The following PSG6 variants were observed in gnomAD, a reference collection of about 807,000 sequenced individuals.
PSG6 encodes the protein pregnancy specific beta-1-glycoprotein 6.
PSG6 carries 51 observed loss-of-function variants against 43.3 expected under a neutral mutation model. The observed-to-expected ratio is 1.18, with a 90% CI of 0.94 to 1.49. The LOEUF (loss-of-function observed/expected upper bound fraction) is 1.49. Ranked by LOEUF, PSG6 falls within the 40% of genes most tolerant of loss-of-function variation. PSG6 has a pLI of 0.00. For missense variants in PSG6, 770 were observed against 522.2 expected (o/e 1.47, Z -4.62); for synonymous variants, 292 against 197.6 (o/e 1.48, Z -4.01).
In PSG6 at chr19:42,907,693, C is replaced by G; in HGVS notation, c.868G>C (p.Glu290Gln). The part of the protein sequence containing the change: ...PVSPRVKRPI[E>Q]NRILILPSVT... ...CTGGGTAGAATGAGTATCCTGTTTT[C>G]AATGGGTCGCTTTACCCTCGGACTG... The change falls in exon 4 of 6, where the codon GAA (glutamate) becomes CAA (glutamine). Residue 290 changes from glutamate (E) to glutamine (Q), a missense_variant. By Grantham distance (29) the Glu-to-Gln change is conservative. Coordinates refer to ENST00000187910, the MANE Select transcript of PSG6 (RefSeq NM_001031850.4). The G allele has an allele frequency of 6.2e-7, 1 of 1,610,884 alleles. No homozygotes were observed. Among genetic ancestry groups the G allele is most frequent in the South Asian group, 1.1e-5 (1 of 90,752 alleles).
At position 42,913,713 on chromosome 19, in the gene PSG6, A is replaced by G. The variant is rs7248234; in HGVS notation, c.427+2412T>C. On this transcript the variant is annotated intron_variant, in intron 2 of 5. Coordinates refer to ENST00000187910, the MANE Select transcript of PSG6 (RefSeq NM_001031850.4). ...GTAGAACGTGAGATTGGTCTTTTGAAATGTTTCTCATTCTTTTGCCTTCTG... is the reference window on the plus strand; with the variant it reads ...GTAGAACGTGAGATTGGTCTTTTGAGATGTTTCTCATTCTTTTGCCTTCTG... Among the ~76,000 whole-genome samples the G allele has an allele frequency of 8.5e-3, 1,292 of 151,772 alleles. 35 individuals are homozygous for G. Among genetic ancestry groups the G allele is most frequent in the Non-Finnish European group, 0.011 (752 of 67,912 alleles).
chr19:42,903,575 A>C, intron 5 of PSG6: 1 of 1,417,384 alleles, frequency 7.1e-7, no homozygotes, highest in East Asian at 2.7e-5. Context: ...AAAAGAGAAA[A>C]GATAAAATTA....
chr19:42,907,533 T>C, intron 4 of PSG6, 43 bp downstream of exon 4: 1 of 1,607,558 alleles, frequency 6.2e-7, no homozygotes, highest in South Asian at 1.1e-5. Flanking sequence ...TCGTTTGGAG[T>C]TAAGCTGGTG....
chr19:42,907,100 A>G lies in PSG6; in HGVS notation c.1062T>C (p.Phe354=), dbSNP rs773762968. 1.3e-5 allele frequency: 21 copies of G among 1,612,766 alleles called. No homozygotes were observed. The highest frequency in any genetic ancestry group is 1.7e-5 in the Non-Finnish European group (20 of 1,179,280). Residue 354 remains phenylalanine (F), a synonymous_variant, in exon 5 of 6, where the codon TTT becomes TTC. Transcript: ENST00000187910. The stretch of plus-strand genomic sequence containing the variant: ...ACTCTGCCGGTGGGTTAGAGTCCGC[A>G]AAGCAGGACAAGTCGAGGTTTTCTC... ...RSGENLDLSC[F]ADSNPPAEYS...
rs1298083102 is a variant in PSG6, at chr19:42,903,641, G to A, written c.1241-1195C>T. ...CATGGTGGGTCATGTTTTAATCCTA[G>A]CACTTTGGGAGGTCACAGCAGAAGG... On this transcript the variant is annotated intron_variant, in intron 5 of 5. Transcript: ENST00000187910. 3.3e-6 allele frequency: 5 copies of A among 1,514,970 alleles called. No homozygotes were observed. In the East Asian group the frequency reaches 7.7e-5, roughly 23 times the overall value. The allele number at this position is 1,514,970 out of a possible 1,614,324, so 93.8% of individuals were successfully genotyped here.
rs1466845281 is a variant in PSG6, at chr19:42,907,051, AC to A, written c.1110del (p.Lys370AsnfsTer39). The A allele has an allele frequency of 3.1e-6, 5 of 1,612,526 alleles. No individual in the cohort carries two copies. The highest frequency in any genetic ancestry group is 4.2e-6 in the Non-Finnish European group (5 of 1,179,244). On this transcript the variant is annotated frameshift_variant, in exon 5 of 6. Transcript: ENST00000187910. LOFTEE classifies it high-confidence loss of function. The stretch of plus-strand genomic sequence containing the variant: ...AAGAGCTTTTGTCCTGATAGCTGAA[AC>A]TTCCCATTAATTGTCCAAGAATACT... ...PAEYSWTINGKFQLSGQKLFI... is the reference protein window; with the variant it reads ...PAEYSWTINGXFQLSGQKLFI...
rs1407849703 is a variant in PSG6 at position 42,904,771 on chromosome 19, C to T, written c.1240+2151G>A. 1.3e-5 allele frequency among the ~76,000 whole-genome samples: 2 copies of T among 151,452 alleles called. 1 individual carries two copies. Among genetic ancestry groups the T allele is most frequent in the Non-Finnish European group, 2.9e-5 (2 of 67,858 alleles). On this transcript the variant is annotated intron_variant, in intron 5 of 5. Transcript: ENST00000187910. Reference sequence around the variant, plus strand: ...TATCAGAATCTCAGTGACATTTTTGCAGAAAAAGAAAAATCTGTCCTAAAA... The same window carrying T: ...TATCAGAATCTCAGTGACATTTTTGTAGAAAAAGAAAAATCTGTCCTAAAA...
intron 3 of PSG6, among the ~76,000 whole-genome samples, chr19:42,908,120 A>G (rs1343450583): frequency 6.6e-6 from 1 of 151,678 alleles, no homozygotes. Flanking sequence ...AGTGGGAGTC[A>G]CAGCCCCTGG....
chr19:42,903,369 T>A (rs1464796506), intron 5 of PSG6, among the ~76,000 whole-genome samples: 1 of 151,554 alleles, frequency 6.6e-6, no homozygotes. Context: ...GTCAACAACC[T>A]ACTTTAATAC....
chr19:42,917,433 G>A (rs1433479997), intron 1 of PSG6, among the ~76,000 whole-genome samples: 11 of 144,428 alleles, frequency 7.6e-5, no homozygotes, highest in African/African-American at 1.3e-4. Flanking sequence ...GTGCTGTCTC[G>A]GCTAGCTGCA....
At chr19:42,916,575 A>T in intron 1 of PSG6, 88 bp from the exon 2 acceptor site, 1 of 1,496,674 alleles carries the variant, frequency 6.7e-7, no homozygotes, top group Non-Finnish European at 9.0e-7. Flanking sequence ...AGGTCTCTTC[A>T]ATCATCAGCC....
intron 2 of PSG6, among the ~76,000 whole-genome samples, chr19:42,911,353 G>C (rs559285667): frequency 2.7e-4 from 41 of 151,772 alleles, no homozygotes; most frequent in Admixed American, 2.5e-3. Flanking sequence ...AGCCTGGCCT[G>C]GAACTGGGTA....
rs1458224682 is a variant in PSG6, at chr19:42,910,672, C to T, written c.614G>A (p.Gly205Asp). Residue 205 changes from glycine (G) to aspartate (D), a missense_variant, in exon 3 of 6, where the codon GGT (glycine) becomes GAT (aspartate). Coordinates refer to ENST00000187910, the MANE Select transcript of PSG6 (RefSeq NM_001031850.4). ...GGGTCCTGCAATATACTTTGTGACA[C>T]CAAATAGATAGAGGGTCCTGTTGGT... Reference protein sequence around the residue: ...SKTNRTLYLFGVTKYIAGPYE... With the variant: ...SKTNRTLYLFDVTKYIAGPYE... The T allele has an allele frequency of 1.9e-6, 3 of 1,612,308 alleles. No homozygotes were observed. Among genetic ancestry groups the T allele is most frequent in the East Asian group, 2.2e-5 (1 of 44,772 alleles).
Position 42,915,998 on chromosome 19 carries a change from C to G in PSG6, c.427+127G>C, listed in dbSNP as rs1309199456. The G allele has an allele frequency of 2.8e-5, 42 of 1,512,308 alleles. 1 individual carries two copies. The highest frequency in any genetic ancestry group is 3.5e-5 in the Non-Finnish European group (39 of 1,109,046). The allele number at this position is 1,512,308 out of a possible 1,614,324, so 93.7% of individuals were successfully genotyped here. A position where few individuals can be genotyped will look rare whatever the true frequency, so the allele number is the denominator to read the frequency against. On this transcript the variant is annotated intron_variant, in intron 2 of 5. Transcript: ENST00000187910. Reference sequence around the variant, plus strand: ...TCTGTGTGTGTCCTGCACTAAATGCCCAAACCCCAGCATGGGACATAATGC... The same window carrying G: ...TCTGTGTGTGTCCTGCACTAAATGCGCAAACCCCAGCATGGGACATAATGC...
At position 42,902,321 on chromosome 19, in the gene PSG6, T is replaced by C. The variant is rs1162885454; in HGVS notation, c.*91A>G. 1.4e-6 allele frequency: 2 copies of C among 1,427,822 alleles called. No homozygotes were observed. The highest frequency in any genetic ancestry group is 1.4e-5 in the African/African-American group (1 of 70,440). 88.4% of individuals were successfully genotyped at this position (1,427,822 alleles called of 1,614,324 possible). A position where few individuals can be genotyped will look rare whatever the true frequency, so the allele number is the denominator to read the frequency against. Reference sequence around the variant, plus strand: ...AAACATTATCCTTTTGATTATTTAGTCCAATAACATTGAGTTTTTTTCTTC... The same window carrying C: ...AAACATTATCCTTTTGATTATTTAGCCCAATAACATTGAGTTTTTTTCTTC... On this transcript the variant is annotated 3_prime_UTR_variant, in exon 6 of 6. Transcript: ENST00000187910.
In PSG6 at chr19:42,907,052, C is replaced by T. The variant is rs1972126749; in HGVS notation, c.1110G>A (p.Lys370=). 6.2e-7 allele frequency: 1 copy of T among 1,612,540 alleles called. No individual in the cohort carries two copies. The highest frequency in any genetic ancestry group is 1.7e-5 in the Admixed American group (1 of 59,886). The change falls in exon 5 of 6, where the codon AAG becomes AAA. Residue 370 remains lysine, a synonymous_variant. Transcript: ENST00000187910. ...AGAGCTTTTGTCCTGATAGCTGAAA[C>T]TTCCCATTAATTGTCCAAGAATACT... ...PAEYSWTING[K]FQLSGQKLFI... is the part of the protein sequence containing the mutation.
In PSG6 at chr19:42,902,391, G is replaced by A. The variant is rs1972047931; in HGVS notation, c.*21C>T. 1 of 1,608,978 alleles carries A rather than the reference G, an allele frequency of 6.2e-7. No individual in the cohort carries two copies. The highest frequency in any genetic ancestry group is 1.3e-5 in the African/African-American group (1 of 74,662). On this transcript the variant is annotated 3_prime_UTR_variant, in exon 6 of 6. Transcript: ENST00000187910. The stretch of plus-strand genomic sequence containing the variant: ...AGGTATCAACCTGTTCTTTTTCTCA[G>A]TGTCTCTATTGTGGCAGCCATTAAT...
At chr19:42,917,532 T>A (rs1217222573) in intron 1 of PSG6, among the ~76,000 whole-genome samples, 197 bp downstream of exon 1, 1 of 151,010 alleles carries the variant, frequency 6.6e-6, no homozygotes, top group East Asian at 2.0e-4. Context: ...TTGGTTAATT[T>A]TTTGTATTTT....
intron 5 of PSG6, among the ~76,000 whole-genome samples, chr19:42,905,299 C>T (rs1972094269): frequency 6.6e-6 from 1 of 151,602 alleles, no homozygotes; most frequent in African/African-American, 2.4e-5. Context: ...TTATATAGCC[C>T]ATGCAAAGTT....
Sources: allele counts gnomAD v4.1 joint callset (sites outside exome capture counted in the v4.1 genomes callset), GRCh38; gene constraint gnomAD v4.1.1; transcripts MANE v1.5; gene names NCBI Gene and HGNC (gene_info 2026-07-23, HGNC 2026-07-21).